GOLGA3: variants seen among roughly 807,000 people sequenced by gnomAD.
GOLGA3 encodes the protein golgin A3, also known as golgin subfamily A member 3.
Under a neutral mutation model 169.4 loss-of-function variants are expected in GOLGA3, and 75 were observed. That is an observed-to-expected ratio of 0.44 (90% confidence interval 0.37 to 0.54). The LOEUF is 0.54. Ranked by LOEUF, GOLGA3 falls within the 20% of genes least tolerant of loss-of-function variation. GOLGA3 has a pLI of 0.00. For synonymous variants in GOLGA3, 824 were observed against 822.4 expected, an observed-to-expected ratio of 1.00 and a Z score of -0.03; for missense variants, 1,899 against 1,930.0, an observed-to-expected ratio of 0.98 and a Z score of 0.30.
intron 6 of GOLGA3, 75 bp downstream of exon 6, chr12:132,807,102 C>T (rs1949444606): frequency 4.7e-6 from 4 of 853,380 alleles, no homozygotes; most frequent in Admixed American, 4.2e-5. Flanking sequence ...TCTGTGAAAC[C>T]TCGTACCCAA....
At chr12:132,798,817 G>A (rs1263027931) in intron 8 of GOLGA3, among the ~76,000 whole-genome samples, 1 of 152,174 alleles carries the variant, frequency 6.6e-6, no homozygotes, top group Non-Finnish European at 1.5e-5. Context: ...GCCCCTGTAG[G>A]TGAGGAGGCT....
chr12:132,784,759 C>CAT (rs35179481), intron 15 of GOLGA3, among the ~76,000 whole-genome samples: 48,655 of 130,724 alleles, frequency 0.37, 8,125 homozygotes, highest in East Asian at 0.56. Flanking sequence ...TCACACCCCA[C>CAT]GTGTTCACAC....
chr12:132,826,686 C>A (rs1950428524), intron 1 of GOLGA3, among the ~76,000 whole-genome samples: 1 of 152,166 alleles, frequency 6.6e-6, no homozygotes, highest in Non-Finnish European at 1.5e-5. Flanking sequence ...AATTCACTAA[C>A]TGCCTGGAGT....
chr12:132,777,469 G>C lies in GOLGA3; in HGVS notation c.3722+197C>G, dbSNP rs763549791. 1.3e-5 allele frequency among the ~76,000 whole-genome samples: 2 copies of C among 152,178 alleles called. No homozygotes were observed. The highest frequency in any genetic ancestry group is 2.9e-5 in the Non-Finnish European group (2 of 68,030). On this transcript the variant is annotated intron_variant, in intron 19 of 23. Transcript: ENST00000450791. This position sits in a 1 kb window ranked among gnomAD's most constrained non-coding sequence, Gnocchi z 4.7. ...CTCCTGCTGGGGCGCTTTCTCTCTT[G>C]GGGGGAGGACACGGGGCAGTGAGTG...
rs971200706 is a variant in GOLGA3, at chr12:132,821,639, A to G, written c.133+357T>C. 5.1e-4 allele frequency among the ~76,000 whole-genome samples: 78 copies of G among 151,932 alleles called. 1 individual carries two copies. Among genetic ancestry groups the G allele is most frequent in the Middle Eastern group, 6.8e-3 (2 of 294 alleles). On this transcript the variant is annotated intron_variant, in intron 2 of 23. Coordinates refer to ENST00000450791, the MANE Select transcript of GOLGA3 (RefSeq NM_001389683.1). The stretch of plus-strand genomic sequence containing the variant: ...TGAGGCTGAGGCGGGCGGATCACGA[A>G]GTCAGGAGATCGAGACCATCTTGGC...
At chr12:132,789,319 G>T in intron 12 of GOLGA3, 29 bp from the exon 13 acceptor site, 1 of 1,540,502 alleles carries the variant, frequency 6.5e-7, no homozygotes, top group Non-Finnish European at 8.7e-7. Context: ...GTGAGCGGAC[G>T]CTGGGCGGCG....
chr12:132,812,101 T>C (rs989775902), intron 4 of GOLGA3, among the ~76,000 whole-genome samples: 5 of 148,464 alleles, frequency 3.4e-5, no homozygotes, highest in African/African-American at 1.2e-4. Context: ...GGCTGGAGAA[T>C]TGCTTGAACT....
rs768712213 is a variant in GOLGA3 at position 132,816,816 on chromosome 12, G to GA, written c.134-5dup. 6.3e-7 allele frequency: 1 copy of GA among 1,586,924 alleles called. No individual in the cohort carries two copies. The highest frequency in any genetic ancestry group is 1.7e-5 in the Admixed American group (1 of 57,458). On this transcript the variant is annotated splice_polypyrimidine_tract_variant and splice_region_variant and intron_variant, in intron 2 of 23. Coordinates refer to ENST00000450791, the MANE Select transcript of GOLGA3 (RefSeq NM_001389683.1). ...GATGCTCTGTTTACCTCGGCACCTG[G>GA]AAAGACAGAGCACGCTGGACCACCA...
intron 22 of GOLGA3, chr12:132,774,528 C>CA: frequency 1.6e-6 from 1 of 607,370 alleles, no homozygotes; most frequent in East Asian, 2.8e-5. Flanking sequence ...TCCTAAGGCA[C>CA]AAAACCAGAG....
chr12:132,779,171 C>G (rs997795117), intron 18 of GOLGA3, among the ~76,000 whole-genome samples: 1 of 152,138 alleles, frequency 6.6e-6, no homozygotes, highest in African/African-American at 2.4e-5. Flanking sequence ...ACCTCCGCCT[C>G]CTGGTTCAAG....
intron 2 of GOLGA3, among the ~76,000 whole-genome samples, chr12:132,817,463 G>A (rs376606386): frequency 3.3e-4 from 13 of 38,838 alleles, no homozygotes; most frequent in African/African-American, 1.1e-3. Context: ...ACACCTCCAC[G>A]CTCTAAGGTG....
At chr12:132,782,894 AAAAAG>A (rs1253540997) in intron 16 of GOLGA3, among the ~76,000 whole-genome samples, 36 of 149,686 alleles carry the variant, frequency 2.4e-4, no homozygotes, top group South Asian at 1.1e-3. Flanking sequence ...AAAAAAAAAG[AAAAAG>A]AAAAGAAAAG....
intron 4 of GOLGA3, among the ~76,000 whole-genome samples, chr12:132,812,874 A>G (rs1434775059): frequency 6.6e-6 from 1 of 152,252 alleles, no homozygotes; most frequent in Non-Finnish European, 1.5e-5. Context: ...AAGATGCTCC[A>G]ACAGCAAAGA....
chr12:132,825,741 C>T (rs1342899265), intron 1 of GOLGA3: 17 of 1,545,950 alleles, frequency 1.1e-5, no homozygotes, highest in Middle Eastern at 2.3e-4. Context: ...CAAAAGCAGC[C>T]GACCATCTTT....
intron 20 of GOLGA3, 72 bp downstream of exon 20, chr12:132,776,886 G>A (rs2045277337): frequency 6.5e-7 from 1 of 1,543,374 alleles, no homozygotes; most frequent in Non-Finnish European, 8.8e-7. Context: ...TGCTCCCCAA[G>A]CAGGATGGAG....
intron 23 of GOLGA3, among the ~76,000 whole-genome samples, chr12:132,773,818 C>T (rs1005390906): frequency 7.2e-6 from 1 of 139,402 alleles, no homozygotes; most frequent in African/African-American, 2.8e-5. Flanking sequence ...TTATATAAAC[C>T]TCAGAGGCTG....
chr12:132,816,665 G>A lies in GOLGA3; in HGVS notation c.281C>T (p.Ser94Phe). The A allele has an allele frequency of 6.2e-7, 1 of 1,614,202 alleles. No individual in the cohort carries two copies. The highest frequency in any genetic ancestry group is 8.5e-7 in the Non-Finnish European group (1 of 1,180,034). ...PTTSPVGPDA[S>F]PGVAGFHDNL... is the part of the protein sequence containing the mutation. ...GTCATGGAAACCAGCCACACCTGGA[G>A]AGGCATCAGGGCCCACTGGGCTTGT... The change falls in exon 3 of 24, where the codon TCT becomes TTT. Residue 94 changes from serine (S) to phenylalanine (F), a missense_variant. Transcript: ENST00000450791.
intron 8 of GOLGA3, 82 bp downstream of exon 8, chr12:132,801,685 A>C: frequency 1.5e-6 from 2 of 1,362,868 alleles, no homozygotes; most frequent in Non-Finnish European, 2.1e-6. Flanking sequence ...AACTCTAAAA[A>C]CAGAAAAATC....
At chr12:132,806,912 T>C (rs964563980) in intron 6 of GOLGA3, among the ~76,000 whole-genome samples, 68 of 152,054 alleles carry the variant, frequency 4.5e-4, no homozygotes, top group African/African-American at 1.6e-3. Flanking sequence ...TTGACTCTTA[T>C]GGACTGTGAG....
Sources: allele counts gnomAD v4.1 joint callset (sites outside exome capture counted in the v4.1 genomes callset), GRCh38; gene constraint gnomAD v4.1.1; non-coding constraint Gnocchi (gnomAD v3.1); transcripts MANE v1.5; gene names NCBI Gene and HGNC (gene_info 2026-07-23, HGNC 2026-07-21).